The following PELI2 variants were observed in gnomAD, a reference collection of about 807,000 sequenced individuals.
PELI2 encodes pellino E3 ubiquitin protein ligase family member 2, also known as E3 ubiquitin-protein ligase pellino homolog 2.
In PELI2, 23 loss-of-function variants were observed where a neutral mutation model predicts 42.3. The observed-to-expected ratio is 0.54, with a 90% CI of 0.39 to 0.77. The LOEUF (loss-of-function observed/expected upper bound fraction) is 0.77, where lower values mean the gene tolerates loss of function less well. Among genes scored for constraint, PELI2 ranks in the 30% least tolerant of loss-of-function variants. PELI2 has a pLI of 0.00. For synonymous variants in PELI2, 245 were observed against 212.2 expected (o/e 1.15, Z -1.34); for missense variants, 463 against 553.2 (o/e 0.84, Z 1.64).
At chr14:56,280,634 C>G (rs1474364551) in intron 3 of PELI2, among the ~76,000 whole-genome samples, 3 of 151,770 alleles carry the variant, frequency 2.0e-5, no homozygotes, top group African/African-American at 7.3e-5. Context: ...AAAGTAAATT[C>G]TAGAGAATAA....
intron 2 of PELI2, among the ~76,000 whole-genome samples, chr14:56,248,155 A>C (rs1411819597): frequency 6.6e-6 from 1 of 152,226 alleles, no homozygotes; most frequent in African/African-American, 2.4e-5. Context: ...TAAACCATTA[A>C]AAGTAGTTGC....
At chr14:56,233,543 G>A (rs1030008370) in intron 2 of PELI2, among the ~76,000 whole-genome samples, 1 of 152,272 alleles carries the variant, frequency 6.6e-6, no homozygotes, top group East Asian at 1.9e-4. Context: ...GGGAAAACTG[G>A]CTAGCCATAT....
At chr14:56,181,534 T>C (rs1885579557) in intron 2 of PELI2, among the ~76,000 whole-genome samples, 1 of 151,992 alleles carries the variant, frequency 6.6e-6, no homozygotes, top group African/African-American at 2.4e-5. Context: ...CCTAGAAGGG[T>C]AGGTGTGGTT....
intron 2 of PELI2, among the ~76,000 whole-genome samples, chr14:56,205,044 A>AAG (rs1555347290): frequency 6.6e-6 from 1 of 151,672 alleles, no homozygotes; most frequent in Admixed American, 6.6e-5. Flanking sequence ...AAAAAAAAAA[A>AAG]AAAGAAAGAA....
intron 1 of PELI2, among the ~76,000 whole-genome samples, chr14:56,139,093 A>G (rs905774805): frequency 1.3e-5 from 2 of 152,166 alleles, no homozygotes; most frequent in Non-Finnish European, 2.9e-5. Flanking sequence ...CAGAATCCTT[A>G]ATTATCTAAC....
At position 56,214,575 on chromosome 14, in the gene PELI2, G is replaced by C. The variant is rs79346985; in HGVS notation, c.207+36111G>C. On this transcript the variant is annotated intron_variant, in intron 2 of 5. Transcript: ENST00000267460. The stretch of plus-strand genomic sequence containing the variant: ...GTTCTCTTAGTAGGAAGAGGGCACA[G>C]AACCCTGTGTCTTGGAGGGGACCCA... Among the ~76,000 whole-genome samples, 1,032 of 152,276 alleles carry C rather than the reference G, an allele frequency of 6.8e-3. 14 individuals are homozygous for C. Among genetic ancestry groups the C allele is most frequent in the African/African-American group, 0.023 (962 of 41,546 alleles).
At chr14:56,177,602 A>T (rs1403348953) in intron 1 of PELI2, among the ~76,000 whole-genome samples, 1 of 152,218 alleles carries the variant, frequency 6.6e-6, no homozygotes, top group African/African-American at 2.4e-5. Flanking sequence ...GTGATCCTGC[A>T]TGTCTTTTAA....
At chr14:56,141,893 A>G (rs1225722473) in intron 1 of PELI2, among the ~76,000 whole-genome samples, 1 of 152,246 alleles carries the variant, frequency 6.6e-6, no homozygotes, top group African/African-American at 2.4e-5. Context: ...TTTCATGACA[A>G]GGAAAATTCC....
chr14:56,238,590 C>T (rs953570917), intron 2 of PELI2, among the ~76,000 whole-genome samples: 3 of 152,112 alleles, frequency 2.0e-5, no homozygotes, highest in Non-Finnish European at 4.4e-5. Context: ...TGTTGGGTTT[C>T]CTGACTTTTG....
intron 2 of PELI2, among the ~76,000 whole-genome samples, chr14:56,253,110 G>A (rs957556172): frequency 2.6e-5 from 4 of 152,102 alleles, no homozygotes; most frequent in African/African-American, 7.2e-5. Context: ...CCACATGATT[G>A]TCTCCGTAGA....
chr14:56,218,710 T>C lies in PELI2; in HGVS notation c.207+40246T>C, dbSNP rs1324095159. ...ATGCACGCACATGTGTGCGTGTGTG[T>C]GTGTGTGTGTGTGTGTTTGAGAGAG... On this transcript the variant is annotated intron_variant, in intron 2 of 5. Transcript: ENST00000267460. Among the ~76,000 whole-genome samples the C allele has an allele frequency of 3.0e-4, 45 of 152,014 alleles. No homozygotes were observed. The East Asian group carries it at 7.5e-3, about 25-fold the overall frequency.
intron 1 of PELI2, among the ~76,000 whole-genome samples, chr14:56,133,838 A>T (rs896754194): frequency 5.9e-5 from 9 of 152,284 alleles, no homozygotes; most frequent in South Asian, 4.1e-4. Flanking sequence ...TCTGGGGCTC[A>T]TTCAGCTGCC....
chr14:56,139,338 AT>A (rs1445336848), intron 1 of PELI2, among the ~76,000 whole-genome samples: 3 of 152,114 alleles, frequency 2.0e-5, no homozygotes, highest in Non-Finnish European at 4.4e-5. Flanking sequence ...TAGTTCTGTG[AT>A]TTAATTGTCT....
intron 2 of PELI2, among the ~76,000 whole-genome samples, chr14:56,200,556 G>A (rs1027439804): frequency 6.6e-6 from 1 of 152,178 alleles, no homozygotes; most frequent in Non-Finnish European, 1.5e-5. Flanking sequence ...AAGAAGGAAG[G>A]AAATCTCACT....
intron 1 of PELI2, among the ~76,000 whole-genome samples, chr14:56,142,700 A>G (rs1831293903): frequency 6.6e-6 from 1 of 151,886 alleles, no homozygotes; most frequent in Admixed American, 6.6e-5. Flanking sequence ...TTTAAACACT[A>G]AAGATTGCTA....
chr14:56,162,731 T>C (rs981610905), intron 1 of PELI2, among the ~76,000 whole-genome samples: 1 of 152,210 alleles, frequency 6.6e-6, no homozygotes, highest in African/African-American at 2.4e-5. Flanking sequence ...CCAACAACAA[T>C]GTACAAGGGT....
intron 2 of PELI2, among the ~76,000 whole-genome samples, chr14:56,259,352 GAA>G (rs1420972241): frequency 6.6e-6 from 1 of 152,082 alleles, no homozygotes; most frequent in African/African-American, 2.4e-5. Flanking sequence ...CTCTTTAAAA[GAA>G]TATTGACTTT....
Position 56,271,478 on chromosome 14 carries a change from G to A in PELI2, c.208-8198G>A, listed in dbSNP as rs562455225. Among the ~76,000 whole-genome samples, 269 of 152,200 alleles carry A rather than the reference G, an allele frequency of 1.8e-3. 2 individuals are homozygous for A. The highest frequency in any genetic ancestry group is 2.8e-3 in the Non-Finnish European group (188 of 68,010). On this transcript the variant is annotated intron_variant, in intron 2 of 5. Transcript: ENST00000267460. ...ATAGTTATTTTTCCAATTTCGTTTG[G>A]CCCTTTCTGTGGTAGTCATTTTGTA...
At chr14:56,257,673 A>G (rs1204975252) in intron 2 of PELI2, among the ~76,000 whole-genome samples, 1 of 152,224 alleles carries the variant, frequency 6.6e-6, no homozygotes, top group African/African-American at 2.4e-5. Flanking sequence ...GACAAAATAT[A>G]TTAAATGACT....
Sources: gnomAD v4.1 joint callset for allele counts (sites outside exome capture counted in the v4.1 genomes callset) on GRCh38, gnomAD v4.1.1 for gene constraint, MANE v1.5 for transcripts, NCBI Gene and HGNC (gene_info 2026-07-23, HGNC 2026-07-21) for gene names.